The following MAP3K10 variants were observed in gnomAD, a reference collection of about 807,000 sequenced individuals.
MAP3K10 encodes the protein mitogen-activated protein kinase kinase kinase 10.
A neutral mutation model predicts 75.0 loss-of-function variants in MAP3K10; 22 were observed. That is an observed-to-expected ratio of 0.29 (90% CI 0.21 to 0.42). The LOEUF is 0.42. Among genes scored for constraint, MAP3K10 ranks in the 10% least tolerant of loss-of-function variants. The pLI, the probability that MAP3K10 is intolerant of heterozygous loss-of-function variation, is 1.00. For synonymous variants in MAP3K10, 599 were observed against 612.9 expected (o/e 0.98, Z 0.34); for missense variants, 1,165 against 1,379.8 (o/e 0.84, Z 2.47).
At position 40,204,711 on chromosome 19, in the gene MAP3K10, C is replaced by A; in HGVS notation, c.1012+78C>A. On this transcript the variant is annotated intron_variant, in intron 3 of 9. Coordinates refer to ENST00000253055, the MANE Select transcript of MAP3K10 (RefSeq NM_002446.4). The surrounding 1 kb of genome is among the most constrained non-coding windows in gnomAD (Gnocchi z 4.3). Reference sequence around the variant, plus strand: ...TGTGGGCCCAGACCTTTCCCCTTCACACCTATCCATACCAGTGGGCCCAGG... The same window carrying A: ...TGTGGGCCCAGACCTTTCCCCTTCAAACCTATCCATACCAGTGGGCCCAGG... 6.6e-7 allele frequency: 1 copy of A among 1,519,238 alleles called. No homozygotes were observed. Among genetic ancestry groups the A allele is most frequent in the Non-Finnish European group, 8.9e-7 (1 of 1,121,148 alleles). 94.1% of individuals were successfully genotyped at this position (1,519,238 alleles called of 1,614,324 possible).
In MAP3K10 at chr19:40,213,777, G is replaced by T; in HGVS notation, c.2098G>T (p.Glu700Ter). ...DVAEARAADG[E>*]EQRRWLDGLF... ...GGCCGAGGCGCGCGCGGCCGACGGT[G>T]AGGAGCAGCGGCGCTGGCTCGACGG... is the stretch of plus-strand genomic sequence containing the variant. The change falls in exon 9 of 10, where the codon GAG (glutamate) becomes TAG (stop). Residue 700 changes from glutamate (E) to a stop codon, truncating the protein, a stop_gained. Transcript: ENST00000253055. LOFTEE classifies it high-confidence loss of function. The surrounding 1 kb of genome is among the most constrained non-coding windows in gnomAD (Gnocchi z 5.7). 8.4e-7 allele frequency: 1 copy of T among 1,195,834 alleles called. No individual in the cohort carries two copies. The highest frequency in any genetic ancestry group is 1.0e-6 in the Non-Finnish European group (1 of 960,040). 74.1% of individuals were successfully genotyped at this position (1,195,834 alleles called of 1,614,324 possible).
In MAP3K10 at chr19:40,192,183, C is replaced by T. The variant is rs1407960964; in HGVS notation, c.152C>T (p.Ala51Val). 3 of 1,607,548 alleles carry T rather than the reference C, an allele frequency of 1.9e-6. No individual in the cohort carries two copies. Among genetic ancestry groups the T allele is most frequent in the Admixed American group, 1.7e-5 (1 of 59,368 alleles). Residue 51 changes from alanine to valine, a missense_variant, in exon 1 of 10, where the codon GCG becomes GTG. Ala to Val is a moderately conservative substitution (Grantham distance 64). Transcript: ENST00000253055. The surrounding 1 kb of genome is among the most constrained non-coding windows in gnomAD (Gnocchi z 7.1). ...GTCCAGGTGCTTTCCCAAGACTGTG[C>T]GGTGTCCGGCGACGAGGGCTGGTGG... ...DRVQVLSQDC[A>V]VSGDEGWWTG...
chr19:40,214,194 C>A lies in MAP3K10; in HGVS notation c.2515C>A (p.Pro839Thr), dbSNP rs1407109756. Residue 839 changes from proline (P) to threonine (T), a missense_variant, in exon 9 of 10, where the codon CCG becomes ACG. Transcript: ENST00000253055. ...GGACGGGGCGCTGGGGCAGCGGGGG[C>A]CGCCCGAGCCCGCGGGCCATGGCCC... ...PSDGALGQRGPPEPAGHGPGP... is the reference protein window; with the variant it reads ...PSDGALGQRGTPEPAGHGPGP... 9.7e-6 allele frequency: 14 copies of A among 1,436,102 alleles called. No homozygotes were observed. The highest frequency in any genetic ancestry group is 3.0e-5 in the Admixed American group (1 of 33,768). The allele number at this position is 1,436,102 out of a possible 1,614,324, so 89.0% of individuals were successfully genotyped here. A position where few individuals can be genotyped will look rare whatever the true frequency, so the allele number is the denominator to read the frequency against.
chr19:40,195,722 T>C (rs1233761000), intron 1 of MAP3K10, among the ~76,000 whole-genome samples: 1 of 152,118 alleles, frequency 6.6e-6, no homozygotes, highest in Admixed American at 6.6e-5. Context: ...CTTGAACTCC[T>C]GACCTCAGGT....
intron 1 of MAP3K10, among the ~76,000 whole-genome samples, chr19:40,196,377 A>G (rs975614035): frequency 3.3e-5 from 5 of 152,194 alleles, no homozygotes; most frequent in Non-Finnish European, 7.3e-5. Context: ...GGCTGGGTGC[A>G]GTGGTTTACT....
At position 40,213,572 on chromosome 19, in the gene MAP3K10, G is replaced by A; in HGVS notation, c.1893G>A (p.Ser631=). 3 of 1,610,328 alleles carry A rather than the reference G, an allele frequency of 1.9e-6. No individual in the cohort carries two copies. In the South Asian group the frequency reaches 3.3e-5, roughly 18 times the overall value. ...GGSSVPPSPY[S]TPSYLSVPLP... ...GCAGCGTGCCCCCTTCCCCCTACTC[G>A]ACCCCGTCCTACCTCTCAGTGCCAC... is the stretch of plus-strand genomic sequence containing the variant. The change falls in exon 9 of 10, where the codon TCG becomes TCA. Residue 631 remains serine (S), a synonymous_variant. Coordinates refer to ENST00000253055, the MANE Select transcript of MAP3K10 (RefSeq NM_002446.4). This position sits in a 1 kb window ranked among gnomAD's most constrained non-coding sequence, Gnocchi z 5.7.
rs1415471891 is a variant in MAP3K10, at chr19:40,213,750, G to A, written c.2071G>A (p.Val691Met). The stretch of plus-strand genomic sequence containing the variant: ...GGGGGCTGTGGGCCTGGGCGCCGAC[G>A]TGGCCGAGGCGCGCGCGGCCGACGG... ...LLGAVGLGAD[V>M]AEARAADGEE... The change falls in exon 9 of 10, where the codon GTG becomes ATG. Residue 691 changes from valine (V) to methionine (M), a missense_variant. By Grantham distance (21) the Val-to-Met change is conservative. Coordinates refer to ENST00000253055, the MANE Select transcript of MAP3K10 (RefSeq NM_002446.4). This position sits in a 1 kb window ranked among gnomAD's most constrained non-coding sequence, Gnocchi z 5.7. 16 of 1,095,470 alleles carry A rather than the reference G, an allele frequency of 1.5e-5. No homozygotes were observed. The highest frequency in any genetic ancestry group is 1.8e-5 in the Non-Finnish European group (16 of 899,230). The allele number at this position is 1,095,470 out of a possible 1,614,324, so 67.9% of individuals were successfully genotyped here. A position where few individuals can be genotyped will look rare whatever the true frequency, so the allele number is the denominator to read the frequency against.
At chr19:40,196,019 T>G (rs1477295551) in intron 1 of MAP3K10, among the ~76,000 whole-genome samples, 2 of 152,128 alleles carry the variant, frequency 1.3e-5, no homozygotes, top group Non-Finnish European at 2.9e-5. Context: ...CAGCTAACAC[T>G]TTTAAAGGCC....
intron 6 of MAP3K10, among the ~76,000 whole-genome samples, chr19:40,210,159 C>T (rs888448287): frequency 6.6e-6 from 1 of 152,054 alleles, no homozygotes; most frequent in Admixed American, 6.6e-5. Context: ...CCCAGCTACT[C>T]GGGAGGCTGA....
In MAP3K10 at chr19:40,204,760, C is replaced by G; in HGVS notation, c.1012+127C>G. On this transcript the variant is annotated intron_variant, in intron 3 of 9. Transcript: ENST00000253055. The surrounding 1 kb of genome is among the most constrained non-coding windows in gnomAD (Gnocchi z 4.3). ...GGAGTGAGGAAGAAGGGGCTGGAAC[C>G]CACTGGACTCTAAACAGCCTCCCCA... The G allele has an allele frequency of 6.0e-6, 7 of 1,164,136 alleles. No homozygotes were observed. The allele number at this position is 1,164,136 out of a possible 1,614,324, so 72.1% of individuals were successfully genotyped here.
At position 40,214,987 on chromosome 19, in the gene MAP3K10, G is replaced by A; in HGVS notation, c.2560G>A (p.Asp854Asn). 3 of 1,575,766 alleles carry A rather than the reference G, an allele frequency of 1.9e-6. No individual in the cohort carries two copies. Among genetic ancestry groups the A allele is most frequent in the Non-Finnish European group, 2.6e-6 (3 of 1,154,296 alleles). ...CTTACCAGGCCCTCGTGACCTTCTG[G>A]ACTTCCCCCGCCTGCCCGACCCCCA... ...GHGPGPRDLL[D>N]FPRLPDPQAL... is the part of the protein sequence containing the mutation. The change falls in exon 10 of 10, where the codon GAC becomes AAC. Residue 854 changes from aspartate (D) to asparagine (N), a missense_variant. This residue lies in a region of MAP3K10 where 590 missense variants were observed against 586.6 expected (regional missense o/e 1.01). Coordinates refer to ENST00000253055, the MANE Select transcript of MAP3K10 (RefSeq NM_002446.4).
chr19:40,192,268 C>A lies in MAP3K10; in HGVS notation c.237C>A (p.Gly79=). ...TCCCCAGCAACTACGTGGCCCCCGG[C>A]GCCCCCGCTGCACCCGCGGGCCTCC... ...GVFPSNYVAP[G]APAAPAGLQL... is the part of the protein sequence containing the mutation. Residue 79 remains glycine, a synonymous_variant, in exon 1 of 10, where the codon GGC becomes GGA. Transcript: ENST00000253055. This position sits in a 1 kb window ranked among gnomAD's most constrained non-coding sequence, Gnocchi z 7.1. 1 of 1,601,678 alleles carries A rather than the reference C, an allele frequency of 6.2e-7. No homozygotes were observed.
Position 40,204,679 on chromosome 19 carries a change from A to C in MAP3K10, c.1012+46A>C. On this transcript the variant is annotated intron_variant, in intron 3 of 9. Coordinates refer to ENST00000253055, the MANE Select transcript of MAP3K10 (RefSeq NM_002446.4). The surrounding 1 kb of genome is among the most constrained non-coding windows in gnomAD (Gnocchi z 4.3). Reference sequence around the variant, plus strand: ...GAGGGTAGGCTCAGCTTGGAGTGGCAGGGACCTGTGGGCCCAGACCTTTCC... The same window carrying C: ...GAGGGTAGGCTCAGCTTGGAGTGGCCGGGACCTGTGGGCCCAGACCTTTCC... 1 of 1,594,224 alleles carries C rather than the reference A, an allele frequency of 6.3e-7. No individual in the cohort carries two copies. The highest frequency in any genetic ancestry group is 8.6e-7 in the Non-Finnish European group (1 of 1,169,054).
At position 40,214,037 on chromosome 19, in the gene MAP3K10, G is replaced by A; in HGVS notation, c.2358G>A (p.Thr786=). The A allele has an allele frequency of 3.1e-6, 3 of 965,666 alleles. No individual in the cohort carries two copies. Among genetic ancestry groups the A allele is most frequent in the South Asian group, 1.7e-5 (1 of 58,792 alleles). The allele number at this position is 965,666 out of a possible 1,614,324, so 59.8% of individuals were successfully genotyped here. ...CCTCCCCGCCCGCGCCCACACCCACGCCCTCGCCCAGCACCAACCCCCTGG... is the reference window on the plus strand; with the variant it reads ...CCTCCCCGCCCGCGCCCACACCCACACCCTCGCCCAGCACCAACCCCCTGG... ...PPPSPPAPTP[T]PSPSTNPLVD... Residue 786 remains threonine (T), a synonymous_variant, in exon 9 of 10, where the codon ACG becomes ACA. Transcript: ENST00000253055.
intron 5 of MAP3K10, among the ~76,000 whole-genome samples, chr19:40,207,921 T>C (rs150252997): frequency 2.6e-5 from 4 of 151,572 alleles, no homozygotes; most frequent in Non-Finnish European, 5.9e-5. Context: ...TGAGATGGGG[T>C]CTTGCTATAT....
rs370341935 is a variant in MAP3K10, at chr19:40,198,484, G to A, written c.792G>A (p.Ala264=). Residue 264 remains alanine (A), a synonymous_variant, in exon 2 of 10, where the codon GCG becomes GCA. Coordinates refer to ENST00000253055, the MANE Select transcript of MAP3K10 (RefSeq NM_002446.4). The surrounding 1 kb of genome is among the most constrained non-coding windows in gnomAD (Gnocchi z 4.3). ...EWHKTTKMSA[A]GTYAWMAPEV... The stretch of plus-strand genomic sequence containing the variant: ...ACAAGACCACCAAGATGAGCGCTGC[G>A]GGGACCTACGCCTGGATGGCGCCGG... The A allele has an allele frequency of 4.6e-5, 74 of 1,614,176 alleles. No individual in the cohort carries two copies. The highest frequency in any genetic ancestry group is 2.4e-4 in the African/African-American group (18 of 75,054).
intron 1 of MAP3K10, among the ~76,000 whole-genome samples, chr19:40,196,571 T>G (rs1372254569): frequency 6.6e-6 from 1 of 152,240 alleles, no homozygotes; most frequent in Non-Finnish European, 1.5e-5. Context: ...CAGGTTGAAG[T>G]GCAGTGGCAC....
intron 9 of MAP3K10, among the ~76,000 whole-genome samples, chr19:40,214,734 G>C (rs1320829103): frequency 1.3e-5 from 2 of 152,152 alleles, no homozygotes; most frequent in African/African-American, 4.8e-5. Context: ...CTAAGCAGCA[G>C]TTCCAGAAGG....
chr19:40,208,345 C>CTTTTTTTTTTTTTTTTT (rs747110243), intron 5 of MAP3K10, among the ~76,000 whole-genome samples: 46 of 55,892 alleles, frequency 8.2e-4, no homozygotes, highest in African/African-American at 9.8e-4. Context: ...CTCTTTCTTT[C>CTTTTTTTTTTTTTTTTT]TTTTTTTTTT....
Sources: allele counts gnomAD v4.1 joint callset (sites outside exome capture counted in the v4.1 genomes callset), GRCh38; gene constraint gnomAD v4.1.1; regional missense constraint gnomAD v4.1.1; non-coding constraint Gnocchi (gnomAD v3.1); transcripts MANE v1.5; gene names NCBI Gene and HGNC (gene_info 2026-07-23, HGNC 2026-07-21).